The following SAMD8 variants were observed in gnomAD, a reference collection of about 807,000 sequenced individuals.
SAMD8 encodes sphingomyelin synthase-related protein 1.
In SAMD8, 20 loss-of-function variants were observed where a neutral mutation model predicts 42.0. The ratio of observed to expected loss-of-function variants is 0.48; its 90% CI spans 0.34 to 0.69. The LOEUF is 0.69. SAMD8 is among the 30% of genes least tolerant of loss of function. SAMD8 has a pLI of 0.01. For synonymous variants in SAMD8, 162 were observed against 173.0 expected (o/e 0.94, Z 0.50); for missense variants, 328 against 511.6 (o/e 0.64, Z 3.46).
At chr10:75,151,234 C>A (rs372287835) in intron 2 of SAMD8, 128 bp downstream of exon 2, 2 of 487,400 alleles carry the variant, frequency 4.1e-6, no homozygotes, top group Non-Finnish European at 3.4e-6. Context: ...CTTTATCTGG[C>A]GGTATAAAAT....
chr10:75,127,521 C>A lies in SAMD8; in HGVS notation c.-16+15799C>A, dbSNP rs530508355. 1.6e-4 allele frequency among the ~76,000 whole-genome samples: 24 copies of A among 152,252 alleles called. 1 individual carries two copies. In the South Asian group the frequency reaches 4.8e-3, roughly 30 times the overall value. On this transcript the variant is annotated intron_variant, in intron 1 of 5. Transcript: ENST00000542569. ...GGATTATTTGGGCATATAAGTCAAA[C>A]ACGTAGAACAGTTCCTCAGACACTG...
chr10:75,108,243 C>A (rs775469052), upstream of SAMD8: 3 of 1,563,704 alleles, frequency 1.9e-6, no homozygotes, highest in South Asian at 1.2e-5. Context: ...TGATGCCGGC[C>A]AAGCCATGGG....
chr10:75,135,284 C>T (rs896332886), intron 1 of SAMD8, among the ~76,000 whole-genome samples: 24 of 150,858 alleles, frequency 1.6e-4, no homozygotes, highest in Admixed American at 1.3e-4. Flanking sequence ...GAAACTCCGT[C>T]TCTACTAAAA....
chr10:75,111,399 G>T (rs938542862), upstream of SAMD8: 4 of 757,602 alleles, frequency 5.3e-6, no homozygotes, highest in Non-Finnish European at 5.4e-6. Context: ...TTCTCCTCTC[G>T]GGCCCATCTG....
intron 1 of SAMD8, among the ~76,000 whole-genome samples, chr10:75,102,310 G>A (rs1564663027): frequency 6.6e-6 from 1 of 152,168 alleles, no homozygotes; most frequent in Non-Finnish European, 1.5e-5. Context: ...GGGCGTGGTG[G>A]TGGATGCCTG....
chr10:75,162,964 A>G (rs1840593849), intron 2 of SAMD8, among the ~76,000 whole-genome samples: 1 of 151,932 alleles, frequency 6.6e-6, no homozygotes, highest in South Asian at 2.1e-4. Context: ...TCGCTCTGTC[A>G]CCCAGGCTGG....
At chr10:75,171,421 C>G (rs1044975460) in intron 4 of SAMD8, among the ~76,000 whole-genome samples, 2 of 151,980 alleles carry the variant, frequency 1.3e-5, no homozygotes, top group Admixed American at 1.3e-4. Context: ...CCCGCCTTGG[C>G]CTCCCAAAGT....
chr10:75,130,330 C>T (rs752816864), intron 1 of SAMD8, among the ~76,000 whole-genome samples: 1 of 151,836 alleles, frequency 6.6e-6, no homozygotes, highest in South Asian at 2.1e-4. Context: ...GGAGAAACCC[C>T]GTCTCTACTA....
intron 1 of SAMD8, among the ~76,000 whole-genome samples, chr10:75,131,115 A>G (rs746134184): frequency 1.8e-4 from 27 of 152,354 alleles, no homozygotes; most frequent in South Asian, 1.0e-3. Context: ...GAGATCCCAC[A>G]TGAAATCACC....
At chr10:75,171,160 C>CTTTTTTTTTTTTTTTTTTTTTTTTTTT (rs1003923090) in intron 4 of SAMD8, among the ~76,000 whole-genome samples, 12 of 68,516 alleles carry the variant, frequency 1.8e-4, no homozygotes, top group Admixed American at 4.6e-4. Context: ...CTTTCTTTTT[C>CTTTTTTTTTTTTTTTTTTTTTTTTTTT]TTTTTTTTTT....
chr10:75,166,065 G>C (rs1840669814), intron 3 of SAMD8, among the ~76,000 whole-genome samples: 1 of 151,698 alleles, frequency 6.6e-6, no homozygotes, highest in Non-Finnish European at 1.5e-5. Context: ...ATGGGAAGTT[G>C]CTAAATTGGA....
At chr10:75,134,194 C>T (rs1849333960) in intron 1 of SAMD8, among the ~76,000 whole-genome samples, 2 of 152,012 alleles carry the variant, frequency 1.3e-5, no homozygotes, top group Non-Finnish European at 2.9e-5. Flanking sequence ...GGGGGGCAGC[C>T]GGGAGAGGGA....
At chr10:75,171,940 C>G (rs1001105270) in intron 4 of SAMD8, among the ~76,000 whole-genome samples, 1 of 151,582 alleles carries the variant, frequency 6.6e-6, no homozygotes, top group Non-Finnish European at 1.5e-5. Context: ...GCAGAAGAAT[C>G]ACTTGAACCT....
chr10:75,116,575 G>A (rs1241663348), intron 1 of SAMD8, among the ~76,000 whole-genome samples: 2 of 152,050 alleles, frequency 1.3e-5, no homozygotes, highest in Non-Finnish European at 2.9e-5. Context: ...TAGGTTAACT[G>A]GTGTCACTGA....
chr10:75,161,534 A>G (rs545898413), intron 2 of SAMD8, among the ~76,000 whole-genome samples: 1 of 152,250 alleles, frequency 6.6e-6, no homozygotes, highest in South Asian at 2.1e-4. Context: ...GACGTCTGAG[A>G]AAAACATAAG....
chr10:75,135,558 G>A (rs1265629472), intron 1 of SAMD8, among the ~76,000 whole-genome samples: 1 of 151,992 alleles, frequency 6.6e-6, no homozygotes, highest in Non-Finnish European at 1.5e-5. Context: ...GGCCGCGGTG[G>A]CTCATGCCTG....
intron 1 of SAMD8, among the ~76,000 whole-genome samples, chr10:75,114,448 T>C (rs1286188634): frequency 1.3e-5 from 2 of 152,208 alleles, no homozygotes; most frequent in Non-Finnish European, 2.9e-5. Flanking sequence ...ATAACCCCCC[T>C]TCTGCAAAAG....
intron 2 of SAMD8, among the ~76,000 whole-genome samples, chr10:75,152,914 T>G (rs1243199282): frequency 6.6e-6 from 1 of 152,172 alleles, no homozygotes; most frequent in Non-Finnish European, 1.5e-5. Flanking sequence ...TACTCAGAAC[T>G]GTTTTCACAT....
chr10:75,135,019 T>C (rs892481778), intron 1 of SAMD8, among the ~76,000 whole-genome samples: 5 of 151,958 alleles, frequency 3.3e-5, no homozygotes, highest in Non-Finnish European at 7.4e-5. Flanking sequence ...TATAATTGTG[T>C]CATTGCTCTC....
Sources: gnomAD v4.1 joint callset for allele counts (sites outside exome capture counted in the v4.1 genomes callset) on GRCh38, gnomAD v4.1.1 for gene constraint, MANE v1.5 for transcripts, NCBI Gene and HGNC (gene_info 2026-07-23, HGNC 2026-07-21) for gene names.